Variants in DNAH11 observed in about 807,000 individuals in gnomAD.
The protein encoded by DNAH11 is axonemal beta dynein heavy chain 11.
A neutral mutation model predicts 526.0 loss-of-function variants in DNAH11; 442 were observed. The observed-to-expected ratio is 0.84, with a 90% CI of 0.78 to 0.91. DNAH11 has a LOEUF of 0.91. DNAH11 is among the 40% of genes least tolerant of loss of function. DNAH11 has a pLI of 0.00. For synonymous variants in DNAH11, 2,461 were observed against 1,935.9 expected (o/e 1.27, Z -7.12); for missense variants, 6,989 against 5,448.7 (o/e 1.28, Z -8.90).
chr7:21,729,199 T>C (rs1785267224), intron 45 of DNAH11, among the ~76,000 whole-genome samples: 1 of 152,238 alleles, frequency 6.6e-6, no homozygotes, highest in South Asian at 2.1e-4. Context: ...GCCAGGTTGC[T>C]AAATTGTCTT....
rs117522082 is a variant in DNAH11, at chr7:21,676,820, A to G, written c.5329-4726A>G. On this transcript the variant is annotated intron_variant, in intron 30 of 81. Coordinates refer to ENST00000409508, the MANE Select transcript of DNAH11 (RefSeq NM_001277115.2). ...TAAGATTGGATACTGCAAAGACCGG[A>G]TATCTTGACCCAGATGAGAAAATAT... 7.2e-3 allele frequency among the ~76,000 whole-genome samples: 1,101 copies of G among 152,350 alleles called. 7 individuals carry two copies. The highest frequency in any genetic ancestry group is 0.011 in the Admixed American group (161 of 15,302).
rs571713712 is a variant in DNAH11, at chr7:21,748,490, A to G, written c.8511-90A>G. ...GGCAACAGAGCAAGTCTCCATCTCAAAAGCAAATAAATAAATAAAAATAAA... is the reference window on the plus strand; with the variant it reads ...GGCAACAGAGCAAGTCTCCATCTCAGAAGCAAATAAATAAATAAAAATAAA... On this transcript the variant is annotated intron_variant, in intron 51 of 81. Transcript: ENST00000409508. The G allele has an allele frequency of 5.2e-5, 66 of 1,279,538 alleles. No individual in the cohort carries two copies. In the Middle Eastern group the frequency reaches 1.2e-3, roughly 22 times the overall value. 79.3% of individuals were successfully genotyped at this position (1,279,538 alleles called of 1,614,324 possible).
intron 32 of DNAH11, 133 bp from the exon 33 acceptor site, chr7:21,686,966 C>A: frequency 2.7e-6 from 2 of 729,784 alleles, no homozygotes; most frequent in Non-Finnish European, 4.0e-6. Flanking sequence ...ATGAACAAAT[C>A]AGAAGTATAT....
At chr7:21,877,560 T>C (rs1369595310) in intron 74 of DNAH11, among the ~76,000 whole-genome samples, 1 of 152,170 alleles carries the variant, frequency 6.6e-6, no homozygotes, top group Non-Finnish European at 1.5e-5. Context: ...TAGGATACCA[T>C]CTACCTACGC....
At chr7:21,642,980 A>G (rs1787192671) in intron 28 of DNAH11, among the ~76,000 whole-genome samples, 1 of 152,222 alleles carries the variant, frequency 6.6e-6, no homozygotes, top group Admixed American at 6.5e-5. Context: ...CTCAAAATTT[A>G]GCCTGACCTC....
chr7:21,831,234 T>C (rs1475130740), intron 65 of DNAH11, among the ~76,000 whole-genome samples: 3 of 152,346 alleles, frequency 2.0e-5, no homozygotes, highest in East Asian at 3.9e-4. Context: ...CTACCTTCAG[T>C]GTTCTAGAAG....
intron 30 of DNAH11, among the ~76,000 whole-genome samples, chr7:21,672,396 C>T (rs1430892716): frequency 6.6e-6 from 1 of 152,206 alleles, no homozygotes; most frequent in Non-Finnish European, 1.5e-5. Flanking sequence ...AACAGTCCTC[C>T]TGCCTCAGCC....
At chr7:21,763,097 A>G (rs946360284) in intron 54 of DNAH11, among the ~76,000 whole-genome samples, 1 of 152,170 alleles carries the variant, frequency 6.6e-6, no homozygotes, top group Non-Finnish European at 1.5e-5. Flanking sequence ...TAATCCCAGC[A>G]CTTTGAGATG....
chr7:21,774,095 A>T (rs925055822), intron 56 of DNAH11, 96 bp downstream of exon 56: 2 of 1,134,488 alleles, frequency 1.8e-6, no homozygotes, highest in East Asian at 2.6e-5. Context: ...TTTCTATAAG[A>T]TGCCAGCTGG....
chr7:21,707,589 A>G, intron 39 of DNAH11, 110 bp from the exon 40 acceptor site: 1 of 1,328,852 alleles, frequency 7.5e-7, no homozygotes, highest in Non-Finnish European at 1.0e-6. Context: ...TAGCACACAC[A>G]CAGCATCTAG....
chr7:21,894,163 A>G (rs758836416), intron 77 of DNAH11, among the ~76,000 whole-genome samples: 17 of 152,168 alleles, frequency 1.1e-4, no homozygotes, highest in Non-Finnish European at 1.9e-4. Flanking sequence ...TGCTGGGATT[A>G]CAGGCGTGAG....
intron 39 of DNAH11, 42 bp downstream of exon 39, chr7:21,705,579 A>G (rs768363650): frequency 3.2e-6 from 5 of 1,584,752 alleles, no homozygotes; most frequent in African/African-American, 2.7e-5. Flanking sequence ...TGGAAAGAAC[A>G]TTTGTTGTCA....
At chr7:21,839,532 A>G (rs144351338) in intron 65 of DNAH11, among the ~76,000 whole-genome samples, 67 of 151,602 alleles carry the variant, frequency 4.4e-4, no homozygotes, top group Non-Finnish European at 8.8e-4. Context: ...CCGAGATCAC[A>G]CCACTGCACT....
At chr7:21,838,874 G>A (rs561066736) in intron 65 of DNAH11, among the ~76,000 whole-genome samples, 1 of 152,236 alleles carries the variant, frequency 6.6e-6, no homozygotes, top group Admixed American at 6.5e-5. Context: ...GGGACTACAG[G>A]TGTGTGCCAC....
chr7:21,691,380 C>T (rs1783618995), intron 35 of DNAH11, among the ~76,000 whole-genome samples: 1 of 151,434 alleles, frequency 6.6e-6, no homozygotes, highest in Non-Finnish European at 1.5e-5. Flanking sequence ...GGCATGGCAG[C>T]TGCTGGCTCT....
chr7:21,619,329 G>A, intron 24 of DNAH11, 107 bp downstream of exon 24: 1 of 1,340,164 alleles, frequency 7.5e-7, no homozygotes, highest in Non-Finnish European at 1.0e-6. Flanking sequence ...CTGGAGAGAT[G>A]AGTCCCAGTT....
chr7:21,833,414 TG>T (rs1243585298), intron 65 of DNAH11, among the ~76,000 whole-genome samples: 1 of 152,164 alleles, frequency 6.6e-6, no homozygotes, highest in Non-Finnish European at 1.5e-5. Context: ...CAGGATGGGC[TG>T]GGCACAGTGG....
intron 50 of DNAH11, 128 bp from the exon 51 acceptor site, chr7:21,744,742 C>T: frequency 7.0e-7 from 1 of 1,429,916 alleles, no homozygotes; most frequent in South Asian, 1.3e-5. Context: ...TTGGTCTATG[C>T]TTGGGAACAT....
chr7:21,785,235 A>T (rs572166333), intron 58 of DNAH11, among the ~76,000 whole-genome samples: 20 of 152,178 alleles, frequency 1.3e-4, no homozygotes, highest in Admixed American at 1.3e-4. Flanking sequence ...CGAGATTTTC[A>T]CTGTTCTTCA....
Sources: allele counts gnomAD v4.1 joint callset (sites outside exome capture counted in the v4.1 genomes callset), GRCh38; gene constraint gnomAD v4.1.1; transcripts MANE v1.5; gene names NCBI Gene and HGNC (gene_info 2026-07-23, HGNC 2026-07-21).